ZRSR2: variants seen among roughly 807,000 people sequenced by gnomAD.
ZRSR2 encodes zinc finger CCCH-type, RNA binding motif and serine/arginine rich 2.
A neutral mutation model predicts 39.4 loss-of-function variants in ZRSR2; 3 were observed. The observed-to-expected ratio is 0.08, with a 90% CI of 0.03 to 0.20. The LOEUF (loss-of-function observed/expected upper bound fraction) is 0.20. ZRSR2 is among the 10% of genes least tolerant of loss of function. ZRSR2 has a pLI of 1.00. For missense variants in ZRSR2, 256 were observed against 391.5 expected (o/e 0.65, Z 2.92); for synonymous variants, 137 against 136.0 (o/e 1.01, Z -0.05).
At chrX:15,805,157 C>T (rs942737998) in intron 5 of ZRSR2, among the ~76,000 whole-genome samples, 5 of 112,216 alleles carry the variant, frequency 4.5e-5, no homozygotes, top group Non-Finnish European at 1.9e-5. Flanking sequence ...GCAGCCTCCA[C>T]GATCTTTGTT....
intron 8 of ZRSR2, among the ~76,000 whole-genome samples, chrX:15,817,911 A>G (rs941014848): frequency 8.9e-6 from 1 of 112,457 alleles, no homozygotes; most frequent in Admixed American, 9.4e-5. Context: ...TGGAATAAAT[A>G]CTATTGATAT....
intron 2 of ZRSR2, among the ~76,000 whole-genome samples, chrX:15,793,826 C>T (rs1204101905): frequency 8.9e-6 from 1 of 112,605 alleles, no homozygotes; most frequent in Admixed American, 9.4e-5. Context: ...GCGTGAGCCA[C>T]TGCGCCCGGC....
At chrX:15,794,424 A>G (rs1932382362) in intron 2 of ZRSR2, among the ~76,000 whole-genome samples, 1 of 111,291 alleles carries the variant, frequency 9.0e-6, no homozygotes. Context: ...AAGCCTTACC[A>G]ATAACATAAA....
chrX:15,809,144 A>T, intron 6 of ZRSR2, 56 bp from the exon 7 acceptor site: 1 of 826,276 alleles, frequency 1.2e-6, no homozygotes, highest in Non-Finnish European at 1.8e-6. Context: ...ACTTTGAAAC[A>T]TTTCGTCTTT....
chrX:15,790,646 C>A, intron 1 of ZRSR2, 110 bp downstream of exon 1: 1 of 1,020,542 alleles, frequency 9.8e-7, no homozygotes, highest in Non-Finnish European at 1.3e-6. Flanking sequence ...GCCACCGCGG[C>A]AGCTCCATTC....
chrX:15,799,726 G>A (rs1434389852), intron 2 of ZRSR2, 146 bp from the exon 3 acceptor site: 5 of 387,618 alleles, frequency 1.3e-5, no homozygotes, highest in Non-Finnish European at 2.2e-5. Context: ...TACCAAAGAA[G>A]GTTGATCAGA....
At chrX:15,813,311 G>A (rs777657963) in intron 7 of ZRSR2, among the ~76,000 whole-genome samples, 1 of 112,006 alleles carries the variant, frequency 8.9e-6, no homozygotes, top group South Asian at 3.7e-4. Context: ...TGATCTTCAG[G>A]ACCAGGTAGG....
chrX:15,795,210 T>A (rs1601806317), intron 2 of ZRSR2, among the ~76,000 whole-genome samples: 2 of 110,213 alleles, frequency 1.8e-5, no homozygotes, highest in East Asian at 5.7e-4. Flanking sequence ...TGTTTTGGGC[T>A]TGATGATTTT....
At chrX:15,803,989 A>T (rs1932752560) in intron 4 of ZRSR2, 122 bp from the exon 5 acceptor site, 3 of 1,023,246 alleles carry the variant, frequency 2.9e-6, no homozygotes, top group Non-Finnish European at 2.6e-6. Flanking sequence ...CTTAAAAAAA[A>T]AAAACAAAAA....
intron 3 of ZRSR2, among the ~76,000 whole-genome samples, chrX:15,803,381 C>A (rs987341563): frequency 4.9e-4 from 55 of 111,976 alleles, no homozygotes; most frequent in African/African-American, 1.7e-3. Flanking sequence ...CTAAACATCA[C>A]TGTGATCAGT....
chrX:15,796,021 CTTTTTTG>C (rs1176278588), intron 2 of ZRSR2, among the ~76,000 whole-genome samples: 8 of 110,213 alleles, frequency 7.3e-5, no homozygotes, highest in East Asian at 5.6e-4. Context: ...CAGTGATTTT[CTTTTTTG>C]TTTTTTGTTT....
At chrX:15,797,401 G>A (rs1055608266) in intron 2 of ZRSR2, among the ~76,000 whole-genome samples, 6 of 108,304 alleles carry the variant, frequency 5.5e-5, no homozygotes, top group African/African-American at 1.7e-4. Context: ...AGTAGAGATG[G>A]GGTTCACCAT....
In ZRSR2 at chrX:15,803,431, T is replaced by G. The variant is rs942999625; in HGVS notation, c.204-257T>G. Among the ~76,000 whole-genome samples, 8 of 111,734 alleles carry G rather than the reference T, an allele frequency of 7.2e-5. No individual in the cohort carries two copies. Among genetic ancestry groups the G allele is most frequent in the Admixed American group, 2.9e-4 (3 of 10,505 alleles). ...ATAGTGTCCTTTTTTCTGTAAAGTATGTCACAGCCATATATACCTATGAAA... is the reference window on the plus strand; with the variant it reads ...ATAGTGTCCTTTTTTCTGTAAAGTAGGTCACAGCCATATATACCTATGAAA... On this transcript the variant is annotated intron_variant, in intron 3 of 10. Transcript: ENST00000307771.
At chrX:15,822,680 A>G (rs1933138420) in intron 10 of ZRSR2, 51 bp from the exon 11 acceptor site, 1 of 1,208,040 alleles carries the variant, frequency 8.3e-7, no homozygotes, top group African/African-American at 1.7e-5. Flanking sequence ...ATAAAGTAGC[A>G]TCTTCAGAAT....
chrX:15,816,838 C>T (rs970886716), intron 8 of ZRSR2, among the ~76,000 whole-genome samples: 10 of 112,049 alleles, frequency 8.9e-5, no homozygotes, highest in African/African-American at 1.6e-4. Context: ...TTCTATCAAC[C>T]GACTTCAAGA....
rs191416918 is a variant in ZRSR2 at position 15,808,006 on chromosome X, C to A, written c.400-227C>A. ...AGTGAGCTGAGGTCACGCCACTGCA[C>A]TCCAGCCTGGGTGACAGAGTGAGAC... is the stretch of plus-strand genomic sequence containing the variant. On this transcript the variant is annotated intron_variant, in intron 5 of 10. Transcript: ENST00000307771. Among the ~76,000 whole-genome samples, 487 of 108,204 alleles carry A rather than the reference C, an allele frequency of 4.5e-3. 1 individual carries two copies. Among genetic ancestry groups the A allele is most frequent in the African/African-American group, 0.016 (477 of 29,773 alleles). The allele number at this position is 108,204 out of a possible 115,157, so 94.0% of individuals were successfully genotyped here.
chrX:15,809,420 C>T (rs1275072206), intron 7 of ZRSR2, 102 bp downstream of exon 7: 6 of 570,844 alleles, frequency 1.1e-5, no homozygotes, highest in African/African-American at 2.3e-5. Context: ...TTCAAATGTC[C>T]GTCATCAGAC....
At chrX:15,792,155 GCTCATGC>G (rs1453904753) in intron 2 of ZRSR2, among the ~76,000 whole-genome samples, 2 of 111,845 alleles carry the variant, frequency 1.8e-5, no homozygotes, top group African/African-American at 3.2e-5. Flanking sequence ...GCGCGTGGTG[GCTCATGC>G]CTGAAATCCC....
chrX:15,804,989 A>C (rs1932765702), intron 5 of ZRSR2, among the ~76,000 whole-genome samples: 1 of 111,323 alleles, frequency 9.0e-6, no homozygotes, highest in African/African-American at 3.3e-5. Context: ...TTGACAGTAT[A>C]TTTATTTCAG....
Sources: allele counts gnomAD v4.1 joint callset (sites outside exome capture counted in the v4.1 genomes callset), GRCh38; gene constraint gnomAD v4.1.1; transcripts MANE v1.5; gene names NCBI Gene and HGNC (gene_info 2026-07-23, HGNC 2026-07-21).